NUP85: variants seen among roughly 807,000 people sequenced by gnomAD.
The protein encoded by NUP85 is nucleoporin 85.
NUP85 carries 23 observed loss-of-function variants against 92.8 expected under a neutral mutation model. That is an observed-to-expected ratio of 0.25 (90% CI 0.18 to 0.35). NUP85 has a LOEUF of 0.35. Ranked by LOEUF, NUP85 falls within the 10% of genes least tolerant of loss-of-function variation. The pLI is 1.00. For synonymous variants in NUP85, 314 were observed against 306.9 expected (o/e 1.02, Z -0.24); for missense variants, 759 against 822.8 (o/e 0.92, Z 0.95).
chr17:75,224,016 C>G (rs1205946970), intron 7 of NUP85, among the ~76,000 whole-genome samples: 1 of 151,990 alleles, frequency 6.6e-6, no homozygotes, highest in Admixed American at 6.6e-5. Flanking sequence ...GGGGTTGTAG[C>G]TAACTGTATT....
chr17:75,230,044 ATTT>A (rs3082648), intron 11 of NUP85, among the ~76,000 whole-genome samples: 1 of 140,376 alleles, frequency 7.1e-6, no homozygotes, highest in African/African-American at 2.6e-5. Flanking sequence ...GGTGTACAAA[ATTT>A]TTTTTTTTTT....
chr17:75,229,443 C>G (rs1358171006), intron 11 of NUP85, among the ~76,000 whole-genome samples: 1 of 152,166 alleles, frequency 6.6e-6, no homozygotes, highest in Non-Finnish European at 1.5e-5. Context: ...CCCAACTCCG[C>G]AGCGTTCTCT....
intron 2 of NUP85, among the ~76,000 whole-genome samples, chr17:75,208,843 A>C (rs951109005): frequency 5.3e-5 from 8 of 152,084 alleles, no homozygotes; most frequent in Non-Finnish European, 1.0e-4. Context: ...CTTGGGCTCA[A>C]GTGATCCTCT....
intron 16 of NUP85, among the ~76,000 whole-genome samples, chr17:75,233,861 GTGC>G (rs2076205879): frequency 6.6e-6 from 1 of 152,030 alleles, no homozygotes; most frequent in Admixed American, 6.6e-5. Context: ...GCCTCCCAAA[GTGC>G]TGGGATTACA....
chr17:75,216,383 AACC>A, intron 6 of NUP85: 1 of 152,358 alleles, frequency 6.6e-6, no homozygotes, highest in Admixed American at 6.5e-5. Flanking sequence ...CTCCTGCCTC[AACC>A]TCCTGAGTAG....
chr17:75,213,084 A>G lies in NUP85; in HGVS notation c.370A>G (p.Lys124Glu), dbSNP rs761501777. 8.1e-6 allele frequency: 13 copies of G among 1,613,298 alleles called. No homozygotes were observed. In the Admixed American group the frequency reaches 2.2e-4, roughly 27 times the overall value. The change falls in exon 5 of 19, where the codon AAA (lysine) becomes GAA (glutamate). Residue 124 changes from lysine to glutamate, a missense_variant. Lys to Glu is a moderately conservative substitution (Grantham distance 56). Transcript: ENST00000245544. ...EEMHQVAIAAKDPANGRQFSS... is the reference protein window; with the variant it reads ...EEMHQVAIAAEDPANGRQFSS... ...GTTTTGTGTTTTGTTAGTTGCTGCT[A>G]AAGATCCAGCCAATGGCCGCCAGTT...
intron 5 of NUP85, among the ~76,000 whole-genome samples, chr17:75,214,236 T>C (rs2075361212): frequency 6.6e-6 from 1 of 152,160 alleles, no homozygotes; most frequent in South Asian, 2.1e-4. Flanking sequence ...AGATGCTTCA[T>C]ATTAGATACT....
chr17:75,212,244 G>GTTGTTTTTTT (rs2075293517), intron 4 of NUP85, among the ~76,000 whole-genome samples, 182 bp downstream of exon 4: 1 of 2,674 alleles, frequency 3.7e-4, no homozygotes, highest in African/African-American at 5.8e-4. Flanking sequence ...TTTTTTTGTT[G>GTTGTTTTTTT]TTGTTTTTTT....
chr17:75,232,623 A>G (rs150143559), intron 14 of NUP85, among the ~76,000 whole-genome samples: 5 of 152,266 alleles, frequency 3.3e-5, no homozygotes, highest in Non-Finnish European at 7.4e-5. Flanking sequence ...TTGAAGCCAC[A>G]CACACTCATA....
intron 15 of NUP85, 25 bp from the exon 16 acceptor site, chr17:75,233,033 C>G (rs1324098069): frequency 1.2e-6 from 2 of 1,613,606 alleles, no homozygotes; most frequent in Non-Finnish European, 1.7e-6. Context: ...GACTGCTGCT[C>G]TGATCTCTGG....
chr17:75,233,689 C>G (rs1296422490), intron 16 of NUP85, among the ~76,000 whole-genome samples: 1 of 152,058 alleles, frequency 6.6e-6, no homozygotes, highest in Non-Finnish European at 1.5e-5. Flanking sequence ...ACCCCCGCCT[C>G]CCGGGTCCAA....
chr17:75,235,556 G>A (rs751116224), intron 18 of NUP85, 22 bp from the exon 19 acceptor site: 4 of 1,581,688 alleles, frequency 2.5e-6, no homozygotes, highest in Non-Finnish European at 3.5e-6. Context: ...CTTAGCTCAT[G>A]CTGGCGCTCT....
At chr17:75,228,699 A>G in intron 11 of NUP85, 1 of 985,306 alleles carries the variant, frequency 1.0e-6, no homozygotes, top group East Asian at 1.1e-4. Context: ...AGGCATTAGA[A>G]AAAAGGTTTC....
Position 75,225,624 on chromosome 17 carries a change from G to C in NUP85, c.856-74G>C, listed in dbSNP as rs7223104. 2,257 of 1,594,604 alleles carry C rather than the reference G, an allele frequency of 1.4e-3. 29 individuals carry two copies. The African/African-American group carries it at 0.026, about 18-fold the overall frequency. Reference sequence around the variant, plus strand: ...GACTAGTTGAAATCCGGTGCCCTTAGCTGAGAGCAGGAGCATTATGGAGAA... The same window carrying C: ...GACTAGTTGAAATCCGGTGCCCTTACCTGAGAGCAGGAGCATTATGGAGAA... On this transcript the variant is annotated intron_variant, in intron 9 of 18. Transcript: ENST00000245544.
chr17:75,205,887 C>G, intron 1 of NUP85, 93 bp downstream of exon 1: 2 of 1,423,154 alleles, frequency 1.4e-6, no homozygotes, highest in Non-Finnish European at 2.0e-6. Flanking sequence ...CTAGTGGTCG[C>G]GAGGCGCTCG....
intron 11 of NUP85, among the ~76,000 whole-genome samples, chr17:75,226,477 T>G (rs1348246690): frequency 1.3e-5 from 2 of 152,132 alleles, no homozygotes; most frequent in Non-Finnish European, 2.9e-5. Flanking sequence ...ACAAACTCCC[T>G]TCATCAAGTC....
chr17:75,229,119 A>G (rs967737309), intron 11 of NUP85: 1 of 985,452 alleles, frequency 1.0e-6, no homozygotes, highest in Non-Finnish European at 1.2e-6. Context: ...CTCCAAAAGT[A>G]TCGAGCTAAA....
chr17:75,232,025 T>G (rs1598347081), intron 14 of NUP85, 46 bp downstream of exon 14: 1 of 1,604,600 alleles, frequency 6.2e-7, no homozygotes, highest in East Asian at 2.2e-5. Flanking sequence ...GACGCAGGAG[T>G]CAGGGGATCC....
intron 5 of NUP85, among the ~76,000 whole-genome samples, chr17:75,213,956 C>T (rs1347365411): frequency 3.3e-5 from 5 of 150,980 alleles, no homozygotes; most frequent in African/African-American, 9.8e-5. Flanking sequence ...ACTGCAAGCT[C>T]CGCCTCCCAG....
Sources: gnomAD v4.1 joint callset for allele counts (sites outside exome capture counted in the v4.1 genomes callset) on GRCh38, gnomAD v4.1.1 for gene constraint, MANE v1.5 for transcripts, NCBI Gene and HGNC (gene_info 2026-07-23, HGNC 2026-07-21) for gene names.